Variants in MAF observed in about 807,000 individuals in gnomAD.
MAF encodes transcription factor Maf.
Under a neutral mutation model 22.0 loss-of-function variants are expected in MAF, and 10 were observed. The ratio of observed to expected loss-of-function variants is 0.45; its 90% CI spans 0.28 to 0.77. The LOEUF (loss-of-function observed/expected upper bound fraction) is 0.77, where lower values mean the gene tolerates loss of function less well. Among genes scored for constraint, MAF ranks in the 30% least tolerant of loss-of-function variants. The probability of loss-of-function intolerance (pLI) is 0.12; values close to 1 mark genes in which losing one functional copy is unlikely to be tolerated. For missense variants in MAF, 544 were observed against 548.4 expected (o/e 0.99, Z 0.08); for synonymous variants, 337 against 255.8 (o/e 1.32, Z -3.03).
the MAF span, among the ~76,000 whole-genome samples, chr16:79,306,250 C>A: frequency 6.6e-6 from 1 of 152,296 alleles, no homozygotes; most frequent in East Asian, 1.9e-4. Flanking sequence ...GTCTTGTAAT[C>A]CTGTGTGATG....
chr16:79,345,834 G>A, the MAF span, among the ~76,000 whole-genome samples: 1 of 148,940 alleles, frequency 6.7e-6, no homozygotes, highest in South Asian at 2.1e-4. Flanking sequence ...GCTGCATATT[G>A]CTGGAGATTT....
the MAF span, among the ~76,000 whole-genome samples, chr16:79,512,074 C>G: frequency 1.3e-5 from 2 of 152,186 alleles, no homozygotes; most frequent in Non-Finnish European, 2.9e-5. Context: ...TGATTATTCC[C>G]TGTGATGGCG....
chr16:79,349,132 C>A, the MAF span, among the ~76,000 whole-genome samples: 1 of 152,214 alleles, frequency 6.6e-6, no homozygotes, highest in African/African-American at 2.4e-5. Flanking sequence ...GGGTTATTAA[C>A]TCAGTTTACA....
downstream of MAF, among the ~76,000 whole-genome samples, chr16:79,590,059 CG>C (rs1210124436): frequency 1.3e-5 from 2 of 152,150 alleles, no homozygotes; most frequent in African/African-American, 4.8e-5. Context: ...GTACGCCCCT[CG>C]GGGGACCTCA....
the MAF span, among the ~76,000 whole-genome samples, chr16:79,532,642 G>A: frequency 8.6e-4 from 131 of 152,312 alleles, no homozygotes; most frequent in African/African-American, 3.1e-3. Flanking sequence ...GAGAAATGGG[G>A]GCGGCCTCTG....
At chr16:79,247,942 T>C in the MAF span, among the ~76,000 whole-genome samples, 4 of 152,204 alleles carry the variant, frequency 2.6e-5, no homozygotes, top group African/African-American at 9.6e-5. Flanking sequence ...TAAATGTGCT[T>C]ATAATTTCGG....
chr16:79,434,519 A>G, the MAF span, among the ~76,000 whole-genome samples: 8 of 152,140 alleles, frequency 5.3e-5, no homozygotes, highest in Admixed American at 2.0e-4. Context: ...GTGAGCTCCC[A>G]TTGGCTCACT....
the MAF span, among the ~76,000 whole-genome samples, chr16:79,498,560 G>T: frequency 1.3e-5 from 2 of 152,164 alleles, no homozygotes; most frequent in Admixed American, 1.3e-4. Context: ...GCCCACCACT[G>T]TGCCAAGTGT....
chr16:79,549,900 G>C, the MAF span, among the ~76,000 whole-genome samples: 1 of 152,164 alleles, frequency 6.6e-6, no homozygotes, highest in Non-Finnish European at 1.5e-5. Flanking sequence ...AAAATGACTG[G>C]AAAGCAGACC....
At chr16:79,413,436 G>C in the MAF span, among the ~76,000 whole-genome samples, 1 of 147,750 alleles carries the variant, frequency 6.8e-6, no homozygotes, top group Non-Finnish European at 1.5e-5. Context: ...TAGTAGAGAC[G>C]GGGTTTCACC....
chr16:79,419,341 T>G, the MAF span, among the ~76,000 whole-genome samples: 1 of 152,172 alleles, frequency 6.6e-6, no homozygotes, highest in Non-Finnish European at 1.5e-5. Flanking sequence ...ATATTTCACC[T>G]TTTCCTTACG....
chr16:79,304,915 T>C, the MAF span, among the ~76,000 whole-genome samples: 1 of 152,198 alleles, frequency 6.6e-6, no homozygotes. Context: ...TGGATTATAC[T>C]TGGCGCCTTA....
the MAF span, among the ~76,000 whole-genome samples, chr16:79,536,739 C>A: frequency 1.3e-5 from 2 of 152,158 alleles, no homozygotes; most frequent in Non-Finnish European, 2.9e-5. Flanking sequence ...TCATTATTCC[C>A]TAAATAGTAC....
chr16:79,470,710 A>T, the MAF span, among the ~76,000 whole-genome samples: 1 of 152,234 alleles, frequency 6.6e-6, no homozygotes, highest in Non-Finnish European at 1.5e-5. Flanking sequence ...CAGGAAAGAC[A>T]GCCAGGATTC....
chr16:79,501,482 T>C, the MAF span, among the ~76,000 whole-genome samples: 15 of 152,188 alleles, frequency 9.9e-5, no homozygotes, highest in African/African-American at 3.1e-4. Context: ...TGCCTTTCCA[T>C]TGGCAGTTAA....
At chr16:79,500,980 T>C in the MAF span, among the ~76,000 whole-genome samples, 1 of 152,196 alleles carries the variant, frequency 6.6e-6, no homozygotes, top group Non-Finnish European at 1.5e-5. Flanking sequence ...CTCTTGTTTC[T>C]CTAAGCAGAA....
At chr16:79,527,656 C>T in the MAF span, among the ~76,000 whole-genome samples, 2 of 152,118 alleles carry the variant, frequency 1.3e-5, no homozygotes, top group African/African-American at 4.8e-5. Context: ...GGTCCCATCA[C>T]CTTACAATCA....
At chr16:79,432,055 G>C in the MAF span, among the ~76,000 whole-genome samples, 5 of 152,164 alleles carry the variant, frequency 3.3e-5, no homozygotes, top group African/African-American at 9.7e-5. Flanking sequence ...ATCTCATCTT[G>C]AATTATAATC....
the MAF span, among the ~76,000 whole-genome samples, chr16:79,449,370 CA>C: frequency 1.5e-4 from 23 of 151,972 alleles, no homozygotes; most frequent in Non-Finnish European, 2.6e-4. Context: ...AGTGAGAAAC[CA>C]AAAAAATCAT....
Sources: allele counts gnomAD v4.1 joint callset (sites outside exome capture counted in the v4.1 genomes callset), GRCh38; gene constraint gnomAD v4.1.1; transcripts MANE v1.5; gene names NCBI Gene and HGNC (gene_info 2026-07-23, HGNC 2026-07-21).